Variants in SORBS2 observed in about 807,000 individuals in gnomAD.
The protein encoded by SORBS2 is sorbin and SH3 domain-containing protein 2.
Under a neutral mutation model 97.7 loss-of-function variants are expected in SORBS2, and 46 were observed. That is an observed-to-expected ratio of 0.47 (90% CI 0.37 to 0.60). The LOEUF (loss-of-function observed/expected upper bound fraction) is 0.60, where lower values mean the gene tolerates loss of function less well. Among genes scored for constraint, SORBS2 ranks in the 20% least tolerant of loss-of-function variants. The pLI, the probability that SORBS2 is intolerant of heterozygous loss-of-function variation, is 0.00. For missense variants in SORBS2, 1,316 were observed against 1,282.3 expected (o/e 1.03, Z -0.40); for synonymous variants, 476 against 473.4 (o/e 1.01, Z -0.07).
At chr4:185,802,849 G>A (rs557447693) in intron 1 of SORBS2, among the ~76,000 whole-genome samples, 168 of 152,220 alleles carry the variant, frequency 1.1e-3, no homozygotes, top group Middle Eastern at 3.4e-3. Context: ...ACCTTTAAAC[G>A]GGTGATATTT....
exon 1 of SORBS2, chr4:185,656,814 A>C: frequency 7.2e-7 from 1 of 1,397,568 alleles, no homozygotes; most frequent in Non-Finnish European, 9.3e-7. Context: ...AAACTTAAAA[A>C]AAAATCCAAA....
intron 1 of SORBS2, among the ~76,000 whole-genome samples, chr4:185,948,013 C>A (rs967931594): frequency 1.6e-4 from 24 of 152,168 alleles, no homozygotes. Context: ...ATTATGAATT[C>A]TTAAAGAGGC....
chr4:185,808,110 A>G (rs1199801589), intron 1 of SORBS2, among the ~76,000 whole-genome samples: 1 of 152,222 alleles, frequency 6.6e-6, no homozygotes, highest in East Asian at 1.9e-4. Flanking sequence ...TAATTATAGC[A>G]TGCTGTACAT....
chr4:185,689,960 G>A (rs935527525), intron 2 of SORBS2, among the ~76,000 whole-genome samples: 1 of 152,164 alleles, frequency 6.6e-6, no homozygotes, highest in Non-Finnish European at 1.5e-5. Context: ...TATTTCTACT[G>A]TGGAAAAAAG....
At chr4:185,615,046 T>C in exon 10 of SORBS2, 2 of 1,613,436 alleles carry the variant, frequency 1.2e-6, no homozygotes, top group African/African-American at 2.7e-5. Flanking sequence ...AGGACCTACC[T>C]CTACGTATGA....
chr4:185,612,294 A>G (rs2096551613), intron 11 of SORBS2, among the ~76,000 whole-genome samples: 1 of 152,158 alleles, frequency 6.6e-6, no homozygotes, highest in Non-Finnish European at 1.5e-5. Flanking sequence ...TTCAAAAAGC[A>G]GAATAGTGTA....
intron 1 of SORBS2, among the ~76,000 whole-genome samples, chr4:185,836,281 G>T (rs2099208029): frequency 6.6e-6 from 1 of 152,150 alleles, no homozygotes; most frequent in East Asian, 1.9e-4. Context: ...AGCTTTCCCT[G>T]TCACACTGTC....
chr4:185,713,342 C>T (rs1413529016), intron 2 of SORBS2, among the ~76,000 whole-genome samples: 1 of 152,206 alleles, frequency 6.6e-6, no homozygotes, highest in Non-Finnish European at 1.5e-5. Flanking sequence ...ATGCAGTCCT[C>T]CATGTTTCCT....
At chr4:185,692,809 T>TAC (rs34369658) in intron 2 of SORBS2, among the ~76,000 whole-genome samples, 88,621 of 151,328 alleles carry the variant, frequency 0.59, 26,135 homozygotes, top group East Asian at 0.73. Flanking sequence ...TGTGCACACA[T>TAC]ACACACACAC....
intron 1 of SORBS2, among the ~76,000 whole-genome samples, chr4:185,827,889 C>A (rs111402309): frequency 0.24 from 34,089 of 143,432 alleles, 4,578 homozygotes; most frequent in East Asian, 0.65. Flanking sequence ...CCATCATCAG[C>A]GTCACCATCA....
chr4:185,893,182 G>A (rs1407606096), intron 1 of SORBS2, among the ~76,000 whole-genome samples: 2 of 152,190 alleles, frequency 1.3e-5, no homozygotes, highest in Admixed American at 6.5e-5. Flanking sequence ...TGAGGAGGAA[G>A]AAAGAAGAGA....
rs745440176 is a variant in SORBS2 at position 185,606,880 on chromosome 4, A to G, written c.2796+4900T>C. 2.8e-5 allele frequency: 28 copies of G among 987,480 alleles called. No homozygotes were observed. The South Asian group carries it at 3.7e-4, about 13-fold the overall frequency. The allele number at this position is 987,480 out of a possible 1,614,324, so 61.2% of individuals were successfully genotyped here. On this transcript the variant is annotated intron_variant, in intron 12 of 14. Transcript: ENST00000418609. The surrounding 1 kb of genome is among the most constrained non-coding windows in gnomAD (Gnocchi z 4.3). The stretch of plus-strand genomic sequence containing the variant: ...CACGCTGGTGCACGCAGAGGCCACA[A>G]AATTATCCCCTAGGACTTCTGGTGC...
chr4:185,750,439 A>G (rs1299860927), intron 2 of SORBS2, among the ~76,000 whole-genome samples: 1 of 152,176 alleles, frequency 6.6e-6, no homozygotes, highest in Non-Finnish European at 1.5e-5. Context: ...AAAGACTCAC[A>G]TATTCCGTAG....
At chr4:185,904,821 T>C (rs2099249782) in intron 1 of SORBS2, among the ~76,000 whole-genome samples, 1 of 152,118 alleles carries the variant, frequency 6.6e-6, no homozygotes, top group Non-Finnish European at 1.5e-5. Context: ...GTAAAAGAAA[T>C]AGGCCGGGCG....
At chr4:185,946,094 G>T (rs1165861992) in intron 1 of SORBS2, among the ~76,000 whole-genome samples, 1 of 146,054 alleles carries the variant, frequency 6.8e-6, no homozygotes, top group East Asian at 2.0e-4. Flanking sequence ...TCCTTTTGGG[G>T]TTGATAGGTG....
intron 2 of SORBS2, among the ~76,000 whole-genome samples, chr4:185,750,325 T>C (rs2173479): frequency 0.77 from 116,896 of 152,214 alleles, 45,236 homozygotes; most frequent in African/African-American, 0.83. Context: ...GGCTTAAATT[T>C]GCTCATAATC....
chr4:185,931,915 A>G (rs1223998425), intron 1 of SORBS2, among the ~76,000 whole-genome samples: 3 of 151,336 alleles, frequency 2.0e-5, no homozygotes, highest in African/African-American at 7.4e-5. Context: ...AAAGTGAGTA[A>G]AAGTGTGTGG....
In SORBS2 at chr4:185,587,568, G is replaced by C. The variant is rs566645742; in HGVS notation, c.*59C>G. ...AACGGGAGGCCCGCGGGGTGTTTCAGGCGCGTTGACGCAGGTGCATGGCTG... is the reference window on the plus strand; with the variant it reads ...AACGGGAGGCCCGCGGGGTGTTTCACGCGCGTTGACGCAGGTGCATGGCTG... On this transcript the variant is annotated 3_prime_UTR_variant, in exon 15 of 15. Coordinates refer to ENST00000418609, the Ensembl canonical transcript of SORBS2. 6.0e-6 allele frequency: 9 copies of C among 1,499,066 alleles called. No homozygotes were observed. The African/African-American group carries it at 1.1e-4, about 18-fold the overall frequency. The allele number at this position is 1,499,066 out of a possible 1,614,324, so 92.9% of individuals were successfully genotyped here. A position where few individuals can be genotyped will look rare whatever the true frequency, so the allele number is the denominator to read the frequency against.
At chr4:185,917,753 G>C (rs1453257526) in intron 1 of SORBS2, among the ~76,000 whole-genome samples, 2 of 152,084 alleles carry the variant, frequency 1.3e-5, no homozygotes, top group African/African-American at 4.8e-5. Context: ...TTTTCAGGTA[G>C]ACAGCATCAG....
Sources: gnomAD v4.1 joint callset for allele counts (sites outside exome capture counted in the v4.1 genomes callset) on GRCh38, gnomAD v4.1.1 for gene constraint, Gnocchi (gnomAD v3.1) non-coding constraint, MANE v1.5 for transcripts, NCBI Gene and HGNC (gene_info 2026-07-23, HGNC 2026-07-21) for gene names.